Variants in SLC7A11 observed in about 807,000 individuals in gnomAD.
SLC7A11 encodes the protein solute carrier family 7 member 11.
SLC7A11 carries 35 observed loss-of-function variants against 54.5 expected under a neutral mutation model. That is an observed-to-expected ratio of 0.64 (90% CI 0.49 to 0.85). The LOEUF (loss-of-function observed/expected upper bound fraction) is 0.85. SLC7A11 is among the 40% of genes least tolerant of loss of function. SLC7A11 has a pLI of 0.00. For missense variants in SLC7A11, 583 were observed against 618.1 expected, an observed-to-expected ratio of 0.94 and a Z score of 0.60; for synonymous variants, 230 against 225.2, an observed-to-expected ratio of 1.02 and a Z score of -0.19.
intron 7 of SLC7A11, among the ~76,000 whole-genome samples, chr4:138,183,742 A>G (rs1187139666): frequency 6.6e-6 from 1 of 152,172 alleles, no homozygotes; most frequent in African/African-American, 2.4e-5. Flanking sequence ...TGTGTTTCAT[A>G]TGCCAATCCC....
In SLC7A11 at chr4:138,170,480, C is replaced by CTAATTTTG. The variant is rs1736399166; in HGVS notation, c.*1468_*1475dup. ...TACCAGCATGTGCCACCATGCCCAGCTAATTTTGTATTTTTAGTAGAGATG... is the reference window on the plus strand; with the variant it reads ...TACCAGCATGTGCCACCATGCCCAGCTAATTTTGTAATTTTGTATTTTTAGTAGAGATG... On this transcript the variant is annotated 3_prime_UTR_variant, in exon 12 of 12. Coordinates refer to ENST00000280612, the MANE Select transcript of SLC7A11 (RefSeq NM_014331.4). 1 of 151,292 alleles carries CTAATTTTG rather than the reference C, an allele frequency of 6.6e-6. No homozygotes were observed. The allele number at this position is 151,292 out of a possible 1,614,324, so 9.4% of individuals were successfully genotyped here.
chr4:138,210,955 T>C (rs1386528699), intron 6 of SLC7A11, among the ~76,000 whole-genome samples: 3 of 152,114 alleles, frequency 2.0e-5, no homozygotes, highest in East Asian at 1.9e-4. Flanking sequence ...CATAAGTTTA[T>C]TGCAGCACTA....
At chr4:138,237,425 TG>T (rs1738239393) in intron 1 of SLC7A11, among the ~76,000 whole-genome samples, 1 of 150,246 alleles carries the variant, frequency 6.7e-6, no homozygotes, top group Non-Finnish European at 1.5e-5. Flanking sequence ...TTTTTTGAGA[TG>T]GAATTTTTGG....
intron 11 of SLC7A11, among the ~76,000 whole-genome samples, chr4:138,172,629 A>G (rs920245730): frequency 6.6e-6 from 1 of 152,194 alleles, no homozygotes; most frequent in Non-Finnish European, 1.5e-5. Context: ...TAGAAACTGA[A>G]GATGGGGCCT....
In SLC7A11 at chr4:138,171,948, C is replaced by T. The variant is rs764372338; in HGVS notation, c.*8G>A. 6.3e-7 allele frequency: 1 copy of T among 1,587,428 alleles called. No individual in the cohort carries two copies. Among genetic ancestry groups the T allele is most frequent in the Non-Finnish European group, 8.5e-7 (1 of 1,171,266 alleles). On this transcript the variant is annotated 3_prime_UTR_variant, in exon 12 of 12. Coordinates refer to ENST00000280612, the MANE Select transcript of SLC7A11 (RefSeq NM_014331.4). ...TGGGCAGATTGCCAAGATCTCAAGT[C>T]CATTAGTTCATAACTTATCTTCTTC... is the stretch of plus-strand genomic sequence containing the variant.
Position 138,166,531 on chromosome 4 carries a change from G to T in SLC7A11, c.*5425C>A, listed in dbSNP as rs757343592. On this transcript the variant is annotated 3_prime_UTR_variant, in exon 12 of 12. Transcript: ENST00000280612. ...AACCAATACATTAATTCACTTGAAA[G>T]TCATACTTTTAAAAAAAATCAGTAG... 1 of 152,474 alleles carries T rather than the reference G, an allele frequency of 6.6e-6. No homozygotes were observed. The highest frequency in any genetic ancestry group is 1.5e-5 in the Non-Finnish European group (1 of 68,016). 9.4% of individuals were successfully genotyped at this position (152,474 alleles called of 1,614,324 possible). A position where few individuals can be genotyped will look rare whatever the true frequency, so the allele number is the denominator to read the frequency against.
chr4:138,209,218 G>A (rs1360013340), intron 6 of SLC7A11, among the ~76,000 whole-genome samples: 1 of 151,832 alleles, frequency 6.6e-6, no homozygotes, highest in Non-Finnish European at 1.5e-5. Flanking sequence ...TATTGTCTAG[G>A]TGGAGGAAGA....
intron 4 of SLC7A11, among the ~76,000 whole-genome samples, 165 bp downstream of exon 4, chr4:138,223,030 AACTC>A (rs911732026): frequency 2.6e-5 from 4 of 152,260 alleles, no homozygotes; most frequent in Admixed American, 6.5e-5. Context: ...TGTAAAAACC[AACTC>A]ACTCACAATG....
At chr4:138,225,835 G>T (rs758115929) in intron 3 of SLC7A11, among the ~76,000 whole-genome samples, 1 of 151,670 alleles carries the variant, frequency 6.6e-6, no homozygotes, top group Non-Finnish European at 1.5e-5. Context: ...CAGTAGAAAA[G>T]AACTGTTATA....
chr4:138,164,524 A>G lies in SLC7A11; in HGVS notation c.*7432T>C, dbSNP rs1370379275. 1 of 152,192 alleles carries G rather than the reference A, an allele frequency of 6.6e-6. No individual in the cohort carries two copies. The highest frequency in any genetic ancestry group is 6.6e-5 in the Admixed American group (1 of 15,260). The allele number at this position is 152,192 out of a possible 1,614,324, so 9.4% of individuals were successfully genotyped here. On this transcript the variant is annotated 3_prime_UTR_variant, in exon 12 of 12. Coordinates refer to ENST00000280612, the MANE Select transcript of SLC7A11 (RefSeq NM_014331.4). The stretch of plus-strand genomic sequence containing the variant: ...TAAGAAACAACGCAATCCACAGATG[A>G]AAGTCTCTCTGCACCATTTATATCT...
At chr4:138,239,701 G>C (rs1026522182) in intron 1 of SLC7A11, among the ~76,000 whole-genome samples, 29 of 152,080 alleles carry the variant, frequency 1.9e-4, no homozygotes, top group Admixed American at 1.8e-3. Flanking sequence ...TTTTGCTTCA[G>C]ATGATATGTA....
intron 11 of SLC7A11, chr4:138,176,262 C>T (rs1736568300): frequency 6.6e-6 from 1 of 152,114 alleles, no homozygotes; most frequent in Non-Finnish European, 1.5e-5. Context: ...TTCAAGGCAG[C>T]TATAAAGATA....
chr4:138,206,124 C>G (rs1737399461), intron 6 of SLC7A11, among the ~76,000 whole-genome samples: 2 of 151,878 alleles, frequency 1.3e-5, no homozygotes, highest in South Asian at 4.1e-4. Flanking sequence ...TAGAGAAGAT[C>G]TCTGCATCTG....
At chr4:138,218,565 C>T (rs1292601382) in intron 5 of SLC7A11, among the ~76,000 whole-genome samples, 1 of 152,142 alleles carries the variant, frequency 6.6e-6, no homozygotes, top group Non-Finnish European at 1.5e-5. Flanking sequence ...AAATAAGGTA[C>T]AAATACAAAG....
chr4:138,172,991 G>T (rs1349978485), intron 11 of SLC7A11, among the ~76,000 whole-genome samples: 1 of 151,934 alleles, frequency 6.6e-6, no homozygotes, highest in African/African-American at 2.4e-5. Context: ...TTACAGGCAT[G>T]TGCCACCACA....
At chr4:138,237,754 T>A (rs1221581469) in intron 1 of SLC7A11, among the ~76,000 whole-genome samples, 38 of 50,776 alleles carry the variant, frequency 7.5e-4, no homozygotes, top group East Asian at 1.9e-3. Context: ...TTTTTTTTTT[T>A]TTTTTTTTTT....
intron 11 of SLC7A11, chr4:138,176,984 C>T (rs1736585938): frequency 1.3e-5 from 2 of 152,118 alleles, no homozygotes; most frequent in Admixed American, 1.3e-4. Context: ...TCAGTTAAGG[C>T]AATCAGTGTG....
At chr4:138,239,260 G>T (rs1265520894) in intron 1 of SLC7A11, among the ~76,000 whole-genome samples, 1 of 152,078 alleles carries the variant, frequency 6.6e-6, no homozygotes, top group Non-Finnish European at 1.5e-5. Flanking sequence ...CTCCAGGATG[G>T]TTGCCCTAGG....
chr4:138,185,364 C>T, intron 6 of SLC7A11, 120 bp from the exon 7 acceptor site: 10 of 1,149,288 alleles, frequency 8.7e-6, no homozygotes, highest in South Asian at 1.4e-5. Context: ...ATTATAGGCT[C>T]TGTTGGGTAT....
Sources: allele counts gnomAD v4.1 joint callset (sites outside exome capture counted in the v4.1 genomes callset), GRCh38; gene constraint gnomAD v4.1.1; transcripts MANE v1.5; gene names NCBI Gene and HGNC (gene_info 2026-07-23, HGNC 2026-07-21).